Variants in CA10 observed in about 807,000 individuals in gnomAD.
CA10 encodes the protein carbonic anhydrase-related protein 10.
CA10 carries 14 observed loss-of-function variants against 44.2 expected under a neutral mutation model. The ratio of observed to expected loss-of-function variants is 0.32; its 90% CI spans 0.21 to 0.50. The LOEUF is 0.50. Ranked by LOEUF, CA10 falls within the 20% of genes least tolerant of loss-of-function variation. The probability of loss-of-function intolerance (pLI) is 0.99; values close to 1 mark genes in which losing one functional copy is unlikely to be tolerated. For missense variants in CA10, 350 were observed against 409.7 expected, an observed-to-expected ratio of 0.85 and a Z score of 1.26; for synonymous variants, 159 against 141.6, an observed-to-expected ratio of 1.12 and a Z score of -0.87.
intron 1 of CA10, among the ~76,000 whole-genome samples, chr17:52,100,441 C>CA (rs5820907): frequency 0.34 from 51,612 of 151,406 alleles, 10,776 homozygotes; most frequent in Non-Finnish European, 0.47. Flanking sequence ...ACAGGACTCT[C>CA]AAAAAAAACA....
intron 2 of CA10, among the ~76,000 whole-genome samples, chr17:51,993,087 G>A (rs943557555): frequency 6.6e-6 from 1 of 151,992 alleles, no homozygotes; most frequent in Non-Finnish European, 1.5e-5. Flanking sequence ...GAAGTGCTTG[G>A]GATAATTTGT....
At chr17:51,849,159 ATATG>A (rs1465899635) in intron 3 of CA10, among the ~76,000 whole-genome samples, 2 of 131,520 alleles carry the variant, frequency 1.5e-5, no homozygotes, top group African/African-American at 2.9e-5. Flanking sequence ...ATATATACAT[ATATG>A]TATATATATA....
chr17:51,697,448 C>T (rs1915440104), intron 4 of CA10, among the ~76,000 whole-genome samples: 1 of 152,198 alleles, frequency 6.6e-6, no homozygotes, highest in Non-Finnish European at 1.5e-5. Context: ...AATGGCTCAC[C>T]ACATCAAGTC....
chr17:51,980,530 C>T (rs1984618801), intron 2 of CA10, among the ~76,000 whole-genome samples: 1 of 151,978 alleles, frequency 6.6e-6, no homozygotes, highest in African/African-American at 2.4e-5. Flanking sequence ...TAATTAGATC[C>T]CATTTGTCAA....
intron 2 of CA10, among the ~76,000 whole-genome samples, chr17:51,952,367 CG>C (rs1983516999): frequency 6.6e-6 from 1 of 151,904 alleles, no homozygotes; most frequent in Non-Finnish European, 1.5e-5. Flanking sequence ...TCTGAGGTAC[CG>C]GGGGTTAGGA....
chr17:52,108,190 TTTTTTATATATATATATA>T (rs1362329383), intron 1 of CA10, among the ~76,000 whole-genome samples: 95 of 79,018 alleles, frequency 1.2e-3, no homozygotes, highest in African/African-American at 5.9e-3. Context: ...TATATATATA[TTTTTTATATATATATATA>T]TATATATATA....
intron 5 of CA10, among the ~76,000 whole-genome samples, chr17:51,650,004 GCCAC>G (rs967136779): frequency 1.7e-4 from 21 of 126,654 alleles, no homozygotes; most frequent in East Asian, 6.6e-4. Flanking sequence ...CAGCCAGCCA[GCCAC>G]CCACCCAACA....
intron 2 of CA10, among the ~76,000 whole-genome samples, chr17:51,974,042 T>C (rs1030227217): frequency 8.6e-5 from 13 of 151,972 alleles, no homozygotes; most frequent in African/African-American, 2.9e-4. Context: ...AAAGAAAAAC[T>C]ACAAAAAAGA....
chr17:51,938,629 T>A (rs1170631549), intron 2 of CA10, among the ~76,000 whole-genome samples: 1 of 152,102 alleles, frequency 6.6e-6, no homozygotes, highest in African/African-American at 2.4e-5. Context: ...TCAGATTACT[T>A]ATTTGTGCAG....
intron 2 of CA10, among the ~76,000 whole-genome samples, chr17:52,027,253 G>C (rs1458408366): frequency 6.6e-6 from 1 of 152,092 alleles, no homozygotes; most frequent in Admixed American, 6.5e-5. Context: ...GGTAATGTGA[G>C]TCATGGGGAG....
intron 1 of CA10, among the ~76,000 whole-genome samples, chr17:52,150,912 C>T (rs562311883): frequency 2.0e-5 from 3 of 151,818 alleles, no homozygotes; most frequent in African/African-American, 4.8e-5. Flanking sequence ...ATGAGGGTCA[C>T]GAGAGATTTA....
intron 3 of CA10, among the ~76,000 whole-genome samples, chr17:51,802,307 G>A (rs1220108141): frequency 6.6e-6 from 1 of 152,106 alleles, no homozygotes; most frequent in Non-Finnish European, 1.5e-5. Flanking sequence ...ACATGATAGT[G>A]GAGCAATTTA....
At chr17:52,044,305 A>AT (rs1192997237) in intron 2 of CA10, among the ~76,000 whole-genome samples, 7 of 151,706 alleles carry the variant, frequency 4.6e-5, no homozygotes, top group Non-Finnish European at 7.4e-5. Context: ...CTGGGAATTT[A>AT]TTTTTTATTT....
intron 1 of CA10, among the ~76,000 whole-genome samples, chr17:52,102,037 G>C (rs1054778167): frequency 4.6e-5 from 7 of 152,038 alleles, no homozygotes; most frequent in African/African-American, 1.4e-4. Context: ...AAAATCCACA[G>C]ACATTGTTGC....
chr17:51,949,129 G>A (rs551560684), intron 2 of CA10, among the ~76,000 whole-genome samples: 2 of 152,078 alleles, frequency 1.3e-5, no homozygotes, highest in Non-Finnish European at 2.9e-5. Flanking sequence ...ATAAGTAATT[G>A]GGGCAGCAGG....
At chr17:51,661,347 G>A (rs1914000812) in intron 4 of CA10, among the ~76,000 whole-genome samples, 1 of 152,180 alleles carries the variant, frequency 6.6e-6, no homozygotes, top group African/African-American at 2.4e-5. Context: ...GAACAGTCTG[G>A]AATTCCAAAG....
At chr17:52,104,013 T>G (rs1988600326) in intron 1 of CA10, among the ~76,000 whole-genome samples, 1 of 152,212 alleles carries the variant, frequency 6.6e-6, no homozygotes, top group African/African-American at 2.4e-5. Context: ...CATACTTTAC[T>G]GAGATTCCAT....
intron 1 of CA10, among the ~76,000 whole-genome samples, chr17:52,081,795 GTC>G (rs1987988156): frequency 2.4e-5 from 2 of 83,872 alleles, no homozygotes; most frequent in Non-Finnish European, 4.9e-5. Context: ...GCGAGACTCC[GTC>G]TCAAAAAAAA....
At chr17:52,110,077 A>G (rs1330879400) in intron 1 of CA10, among the ~76,000 whole-genome samples, 1 of 152,172 alleles carries the variant, frequency 6.6e-6, no homozygotes, top group East Asian at 1.9e-4. Flanking sequence ...CAGACTAGAC[A>G]CCGGCATGAG....
Sources: allele counts gnomAD v4.1 joint callset (sites outside exome capture counted in the v4.1 genomes callset), GRCh38; gene constraint gnomAD v4.1.1; transcripts MANE v1.5; gene names NCBI Gene and HGNC (gene_info 2026-07-23, HGNC 2026-07-21).